The following USP37 variants were observed in gnomAD, a reference collection of about 807,000 sequenced individuals.
The protein encoded by USP37 is ubiquitin specific peptidase 37.
Under a neutral mutation model 124.0 loss-of-function variants are expected in USP37, and 27 were observed. That is an observed-to-expected ratio of 0.22 (90% CI 0.16 to 0.30). USP37 has a LOEUF of 0.30. Among genes scored for constraint, USP37 ranks in the 10% least tolerant of loss-of-function variants. USP37 has a pLI of 1.00. For missense variants in USP37, 889 were observed against 1,140.4 expected (o/e 0.78, Z 3.17); for synonymous variants, 365 against 388.0 (o/e 0.94, Z 0.70).
At chr2:218,483,658 C>T (rs962223759) in intron 16 of USP37, among the ~76,000 whole-genome samples, 6 of 149,944 alleles carry the variant, frequency 4.0e-5, no homozygotes, top group Non-Finnish European at 7.4e-5. Flanking sequence ...GCATTTTTTT[C>T]CCCCCACTTG....
chr2:218,543,541 G>A (rs540957129), intron 8 of USP37, among the ~76,000 whole-genome samples: 1 of 148,628 alleles, frequency 6.7e-6, no homozygotes, highest in East Asian at 2.0e-4. Flanking sequence ...GGACAGGCGT[G>A]GTGGCTCATG....
At chr2:218,494,571 T>C (rs1378437633) in intron 14 of USP37, among the ~76,000 whole-genome samples, 1 of 152,204 alleles carries the variant, frequency 6.6e-6, no homozygotes, top group Admixed American at 6.5e-5. Flanking sequence ...TAATAGGATA[T>C]GATAGGGCGG....
intron 11 of USP37, among the ~76,000 whole-genome samples, chr2:218,503,221 AAAG>A (rs1689484356): frequency 1.3e-5 from 2 of 152,206 alleles, no homozygotes; most frequent in African/African-American, 2.4e-5. Context: ...GATCTACACA[AAAG>A]AAGAGCACTT....
At chr2:218,476,383 A>G (rs1027174653) in intron 19 of USP37, among the ~76,000 whole-genome samples, 4 of 152,124 alleles carry the variant, frequency 2.6e-5, no homozygotes, top group African/African-American at 9.7e-5. Flanking sequence ...AGACCTGCCT[A>G]GGTCACACAG....
intron 10 of USP37, among the ~76,000 whole-genome samples, chr2:218,523,264 A>AG (rs1327272687): frequency 7.5e-6 from 1 of 133,432 alleles, no homozygotes; most frequent in Non-Finnish European, 1.6e-5. Flanking sequence ...ACTTCGTCTC[A>AG]AAAAAAAAAA....
chr2:218,567,817 G>T (rs746092341), intron 1 of USP37, among the ~76,000 whole-genome samples: 4 of 152,228 alleles, frequency 2.6e-5, no homozygotes, highest in Non-Finnish European at 2.9e-5. Flanking sequence ...ATGGTCAAGA[G>T]AGTGAATGAG....
chr2:218,476,978 T>C lies in USP37; in HGVS notation c.1905A>G (p.Lys635=), dbSNP rs776125774. ...CITSPSTPSK[K]FTFKSKSSLA... ...AGGAGCTCTTGGATTTGAAGGTGAA[T>C]TTCCTGTAATTTAAGGAAAAAAAAA... The change falls in exon 19 of 26, where the codon AAA becomes AAG. Residue 635 remains lysine (K), a synonymous_variant. Coordinates refer to ENST00000258399, the MANE Select transcript of USP37 (RefSeq NM_020935.3). 5.4e-6 allele frequency: 8 copies of C among 1,488,922 alleles called. No homozygotes were observed. The highest frequency in any genetic ancestry group is 7.1e-6 in the Non-Finnish European group (8 of 1,121,540). 92.2% of individuals were successfully genotyped at this position (1,488,922 alleles called of 1,614,324 possible).
At chr2:218,506,387 T>A (rs1429111477) in intron 11 of USP37, among the ~76,000 whole-genome samples, 1 of 144,196 alleles carries the variant, frequency 6.9e-6, no homozygotes, top group East Asian at 2.2e-4. Context: ...GCCTCCTGGG[T>A]TCAAGAAATT....
intron 11 of USP37, among the ~76,000 whole-genome samples, chr2:218,504,434 T>G (rs1208207123): frequency 6.6e-6 from 1 of 152,208 alleles, no homozygotes; most frequent in Non-Finnish European, 1.5e-5. Flanking sequence ...CATTTTATTA[T>G]TTTATGTTAG....
chr2:218,553,849 A>C, intron 4 of USP37, 125 bp from the exon 5 acceptor site: 1 of 1,026,750 alleles, frequency 9.7e-7, no homozygotes, highest in Non-Finnish European at 1.3e-6. Flanking sequence ...ACAGTAATTT[A>C]ATTTTTTTCA....
intron 6 of USP37, among the ~76,000 whole-genome samples, chr2:218,547,583 C>CAAAAAAA (rs58787835): frequency 2.8e-5 from 2 of 71,610 alleles, no homozygotes; most frequent in Admixed American, 3.0e-4. Context: ...AATTACTAAC[C>CAAAAAAA]AAAAAAAAAA....
At chr2:218,457,828 A>G (rs888957926) in intron 23 of USP37, among the ~76,000 whole-genome samples, 3 of 151,830 alleles carry the variant, frequency 2.0e-5, no homozygotes, top group Non-Finnish European at 4.4e-5. Flanking sequence ...TGGGCAGATC[A>G]CGAGGTCAGG....
At chr2:218,514,641 T>C (rs925919106) in intron 10 of USP37, among the ~76,000 whole-genome samples, 1 of 152,242 alleles carries the variant, frequency 6.6e-6, no homozygotes, top group African/African-American at 2.4e-5. Context: ...TTTCCTTTTG[T>C]AATTAAGAAA....
intron 20 of USP37, chr2:218,473,140 A>G (rs947792872): frequency 6.6e-6 from 1 of 152,206 alleles, no homozygotes; most frequent in African/African-American, 2.4e-5. Flanking sequence ...CAGGCTATAA[A>G]AACTGTAGCT....
chr2:218,499,985 TATTGA>T (rs1164630253), intron 11 of USP37, among the ~76,000 whole-genome samples: 6 of 152,146 alleles, frequency 3.9e-5, no homozygotes, highest in Admixed American at 3.9e-4. Context: ...CCTAGGCTGG[TATTGA>T]ACTCCAGGGC....
At chr2:218,504,758 T>A (rs927678479) in intron 11 of USP37, among the ~76,000 whole-genome samples, 3 of 152,046 alleles carry the variant, frequency 2.0e-5, no homozygotes, top group African/African-American at 7.2e-5. Context: ...TTATTTATTT[T>A]TTTATTTTTG....
rs538917900 is a variant in USP37, at chr2:218,539,640, G to A, written c.681-4934C>T. Among the ~76,000 whole-genome samples, 81 of 151,990 alleles carry A rather than the reference G, an allele frequency of 5.3e-4. 1 individual carries two copies. The highest frequency in any genetic ancestry group is 3.1e-3 in the East Asian group (16 of 5,126). On this transcript the variant is annotated intron_variant, in intron 8 of 25. Transcript: ENST00000258399. The stretch of plus-strand genomic sequence containing the variant: ...TGAGGTGGAAGGATCGCCTGAGCCC[G>A]GGAGGCGGAGGTTGCAGTGAGCTGA...
chr2:218,501,704 G>T (rs1559190326), intron 11 of USP37, among the ~76,000 whole-genome samples: 1 of 152,188 alleles, frequency 6.6e-6, no homozygotes. Context: ...TGAGAGAAAT[G>T]AGTTCGAAAA....
chr2:218,527,909 G>A (rs1413749345), intron 10 of USP37, among the ~76,000 whole-genome samples: 1 of 151,876 alleles, frequency 6.6e-6, no homozygotes, highest in Non-Finnish European at 1.5e-5. Context: ...ATTCTATTAA[G>A]AACCAAATAT....
Sources: gnomAD v4.1 joint callset for allele counts (sites outside exome capture counted in the v4.1 genomes callset) on GRCh38, gnomAD v4.1.1 for gene constraint, MANE v1.5 for transcripts, NCBI Gene and HGNC (gene_info 2026-07-23, HGNC 2026-07-21) for gene names.